MS4A4A: variants seen among roughly 807,000 people sequenced by gnomAD.
The protein encoded by MS4A4A is membrane spanning 4-domains A4A, also known as membrane-spanning 4-domains subfamily A member 4A.
Under a neutral mutation model 28.0 loss-of-function variants are expected in MS4A4A, and 26 were observed. That is an observed-to-expected ratio of 0.93 (90% CI 0.68 to 1.29). The LOEUF (loss-of-function observed/expected upper bound fraction) is 1.29. Among genes scored for constraint, MS4A4A ranks in the 50% most tolerant of loss-of-function variants. MS4A4A has a pLI of 0.00. For missense variants in MS4A4A, 290 were observed against 293.1 expected (o/e 0.99, Z 0.08); for synonymous variants, 86 against 100.8 (o/e 0.85, Z 0.88).
intron 1 of MS4A4A, among the ~76,000 whole-genome samples, chr11:60,286,890 A>C (rs2084807780): frequency 6.6e-6 from 1 of 152,212 alleles, no homozygotes; most frequent in African/African-American, 2.4e-5. Flanking sequence ...ATTAATGGAT[A>C]AGGATTTACT....
chr11:60,292,336 G>A lies in MS4A4A; in HGVS notation c.153G>A (p.Trp51Ter). Residue 51 changes from tryptophan (W) to a stop codon, truncating the protein, a stop_gained, in exon 2 of 7, where the codon TGG becomes TGA. Coordinates refer to ENST00000337908, the MANE Select transcript of MS4A4A (RefSeq NM_148975.3). LOFTEE classifies it high-confidence loss of function. ...TGGCTGTCATACATTCACATCTGTGGAAAGGATTGCAAGAGAAGTTCTTGA... is the reference window on the plus strand; with the variant it reads ...TGGCTGTCATACATTCACATCTGTGAAAAGGATTGCAAGAGAAGTTCTTGA... ...GNMAVIHSHL[W>*]KGLQEKFLKG... The A allele has an allele frequency of 6.2e-7, 1 of 1,609,688 alleles. No homozygotes were observed. Among genetic ancestry groups the A allele is most frequent in the Non-Finnish European group, 8.5e-7 (1 of 1,178,212 alleles).
At position 60,302,709 on chromosome 11, in the gene MS4A4A, A is replaced by G. The variant is rs200947019; in HGVS notation, c.538A>G (p.Ile180Val). 3 of 1,613,616 alleles carry G rather than the reference A, an allele frequency of 1.9e-6. No homozygotes were observed. The highest frequency in any genetic ancestry group is 2.5e-6 in the Non-Finnish European group (3 of 1,179,550). The change falls in exon 5 of 7, where the codon ATC (isoleucine) becomes GTC (valine). Residue 180 changes from isoleucine (I) to valine (V), a missense_variant. Physicochemically the swap from Ile to Val is conservative, Grantham distance 29 (BLOSUM62 3). Coordinates refer to ENST00000337908, the MANE Select transcript of MS4A4A (RefSeq NM_148975.3). ...AAATAATTGTCATGGGACTATGTCC[A>G]TCTTAATGGTTGGTACTGCCTCTTT... is the stretch of plus-strand genomic sequence containing the variant. ...NSNNCHGTMS[I>V]LMGLDGMVLL...
chr11:60,282,218 A>G (rs1229117108), intron 1 of MS4A4A, among the ~76,000 whole-genome samples: 2 of 152,204 alleles, frequency 1.3e-5, no homozygotes, highest in Admixed American at 1.3e-4. Flanking sequence ...CTTACCAGAG[A>G]GGCACTAAAC....
At chr11:60,288,673 G>A (rs2084823726) in intron 1 of MS4A4A, among the ~76,000 whole-genome samples, 1 of 152,154 alleles carries the variant, frequency 6.6e-6, no homozygotes, top group African/African-American at 2.4e-5. Context: ...CACTGGGATG[G>A]TAGGGCATGG....
At chr11:60,283,977 A>G (rs775932596) in intron 1 of MS4A4A, among the ~76,000 whole-genome samples, 1 of 152,250 alleles carries the variant, frequency 6.6e-6, no homozygotes, top group African/African-American at 2.4e-5. Context: ...TATCTAACTT[A>G]TTCCAAATTG....
chr11:60,292,154 C>A lies in MS4A4A; in HGVS notation c.42-71C>A, dbSNP rs1182703688. The A allele has an allele frequency of 1.2e-5, 17 of 1,459,562 alleles. No homozygotes were observed. The African/African-American group carries it at 1.6e-4, about 14-fold the overall frequency. The allele number at this position is 1,459,562 out of a possible 1,614,324, so 90.4% of individuals were successfully genotyped here. A position where few individuals can be genotyped will look rare whatever the true frequency, so the allele number is the denominator to read the frequency against. On this transcript the variant is annotated intron_variant, in intron 1 of 6. Transcript: ENST00000337908. ...ACCAGATTCTGTCCTTAGGGAGGAA[C>A]CTGCCCCAAAGTGTCATGTCCTCTT...
At position 60,297,024 on chromosome 11, in the gene MS4A4A, T is replaced by C. The variant is rs113126355; in HGVS notation, c.202-173T>C. On this transcript the variant is annotated intron_variant, in intron 2 of 6. Transcript: ENST00000337908. ...TAGACGTCGCGAGAGATAATATTGG[T>C]AAGATTACATTCACGGTTATTTATG... 283 of 753,132 alleles carry C rather than the reference T, an allele frequency of 3.8e-4. No individual in the cohort carries two copies. In the African/African-American group the frequency reaches 4.4e-3, roughly 12 times the overall value. 46.7% of individuals were successfully genotyped at this position (753,132 alleles called of 1,614,324 possible).
In MS4A4A at chr11:60,290,469, G is replaced by A. The variant is rs143895313; in HGVS notation, c.42-1756G>A. Among the ~76,000 whole-genome samples, 944 of 152,050 alleles carry A rather than the reference G, an allele frequency of 6.2e-3. 5 individuals are homozygous for A. Among genetic ancestry groups the A allele is most frequent in the Non-Finnish European group, 8.4e-3 (571 of 67,952 alleles). On this transcript the variant is annotated intron_variant, in intron 1 of 6. Transcript: ENST00000337908. ...AGTTCTAATTCTGTTTGTCCAAATTGTTTTCGGAACTTTTCTAAAAGTGAA... is the reference window on the plus strand; with the variant it reads ...AGTTCTAATTCTGTTTGTCCAAATTATTTTCGGAACTTTTCTAAAAGTGAA...
At chr11:60,297,403 T>C (rs991512348) in intron 3 of MS4A4A, 78 bp downstream of exon 3, 145 of 1,497,226 alleles carry the variant, frequency 9.7e-5, no homozygotes, top group Non-Finnish European at 1.2e-4. Flanking sequence ...AATCCTATTC[T>C]AACCGTATCT....
intron 3 of MS4A4A, among the ~76,000 whole-genome samples, chr11:60,297,836 T>A (rs1394861734): frequency 6.6e-6 from 1 of 151,974 alleles, no homozygotes; most frequent in Non-Finnish European, 1.5e-5. Flanking sequence ...CTGGGAGGAG[T>A]CTACCCTACC....
rs73487295 is a variant in MS4A4A, at chr11:60,297,136, G to T, written c.202-61G>T. ...AGGATAGCTTAGTGATTGGAAAGGGGGTGGCGGAAGCACCATTTTTGTGGT... is the reference window on the plus strand; with the variant it reads ...AGGATAGCTTAGTGATTGGAAAGGGTGTGGCGGAAGCACCATTTTTGTGGT... On this transcript the variant is annotated intron_variant, in intron 2 of 6. Transcript: ENST00000337908. 6.5e-4 allele frequency: 1,033 copies of T among 1,597,132 alleles called. 7 individuals are homozygous for T. The African/African-American group carries it at 0.013, about 20-fold the overall frequency.
intron 1 of MS4A4A, among the ~76,000 whole-genome samples, chr11:60,291,906 G>T (rs571601104): frequency 3.9e-5 from 6 of 151,990 alleles, no homozygotes; most frequent in Admixed American, 6.5e-5. Flanking sequence ...AATCTGAGCC[G>T]ACTTGGAATT....
chr11:60,303,747 C>G (rs1352457813), intron 5 of MS4A4A, among the ~76,000 whole-genome samples: 1 of 152,074 alleles, frequency 6.6e-6, no homozygotes, highest in Non-Finnish European at 1.5e-5. Context: ...TGAACACCTG[C>G]AAATTTTTTG....
intron 2 of MS4A4A, among the ~76,000 whole-genome samples, chr11:60,294,324 A>C (rs949067876): frequency 1.3e-5 from 2 of 152,106 alleles, no homozygotes; most frequent in African/African-American, 4.8e-5. Flanking sequence ...CTTATTGTTA[A>C]GTTTTAAATT....
intron 6 of MS4A4A, 111 bp from the exon 7 acceptor site, chr11:60,307,996 A>C: frequency 1.1e-6 from 1 of 948,776 alleles, no homozygotes; most frequent in Non-Finnish European, 1.7e-6. Context: ...CTTGAGAATG[A>C]ATCAGAGAAG....
intron 4 of MS4A4A, among the ~76,000 whole-genome samples, chr11:60,302,172 C>T (rs2084957986): frequency 6.6e-6 from 1 of 152,056 alleles, no homozygotes; most frequent in Admixed American, 6.5e-5. Context: ...AGATAATATA[C>T]AAAAGGTATA....
rs1050034836 is a variant in MS4A4A, at chr11:60,308,259, G to A, written c.*81G>A. ...AAGAGCCTCACATGAGAAATTACCA[G>A]TATCCAACTTCGATACTGATAGACT... On this transcript the variant is annotated 3_prime_UTR_variant, in exon 7 of 7. Coordinates refer to ENST00000337908, the MANE Select transcript of MS4A4A (RefSeq NM_148975.3). 3 of 1,325,436 alleles carry A rather than the reference G, an allele frequency of 2.3e-6. No homozygotes were observed. The highest frequency in any genetic ancestry group is 3.2e-6 in the Non-Finnish European group (3 of 924,124). The allele number at this position is 1,325,436 out of a possible 1,614,324, so 82.1% of individuals were successfully genotyped here.
intron 1 of MS4A4A, chr11:60,282,595 T>A: frequency 7.8e-7 from 1 of 1,283,970 alleles, no homozygotes; most frequent in Non-Finnish European, 1.0e-6. Context: ...TCTTACAAGG[T>A]GGTCACAAGA....
intron 4 of MS4A4A, among the ~76,000 whole-genome samples, chr11:60,302,196 C>A (rs1042409779): frequency 7.2e-5 from 11 of 152,166 alleles, no homozygotes; most frequent in African/African-American, 2.7e-4. Flanking sequence ...GCATGACAGG[C>A]AAACAGCATT....
Sources: allele counts gnomAD v4.1 joint callset (sites outside exome capture counted in the v4.1 genomes callset), GRCh38; gene constraint gnomAD v4.1.1; transcripts MANE v1.5; gene names NCBI Gene and HGNC (gene_info 2026-07-23, HGNC 2026-07-21).